Variants in SYTL5 observed in about 807,000 individuals in gnomAD.
SYTL5 encodes the protein synaptotagmin-like protein 5.
A neutral mutation model predicts 55.9 loss-of-function variants in SYTL5; 34 were observed. That is an observed-to-expected ratio of 0.61 (90% confidence interval 0.46 to 0.81). The LOEUF (loss-of-function observed/expected upper bound fraction) is 0.81. Ranked by LOEUF, SYTL5 falls within the 30% of genes least tolerant of loss-of-function variation. The pLI, the probability that SYTL5 is intolerant of heterozygous loss-of-function variation, is 0.00. For synonymous variants in SYTL5, 221 were observed against 188.7 expected (o/e 1.17, Z -1.40); for missense variants, 637 against 546.7 (o/e 1.17, Z -1.65).
intron 6 of SYTL5, among the ~76,000 whole-genome samples, chrX:38,077,989 T>C (rs1348413537): frequency 9.0e-6 from 1 of 111,478 alleles, no homozygotes; most frequent in East Asian, 2.8e-4. Flanking sequence ...GCTATGATCA[T>C]GCCACTGCAC....
At chrX:37,965,229 T>C in the SYTL5 span, among the ~76,000 whole-genome samples, 1 of 111,681 alleles carries the variant, frequency 9.0e-6, no homozygotes, top group African/African-American at 3.2e-5. Flanking sequence ...AGTACTGCTT[T>C]TGCTGGACCC....
In SYTL5 at chrX:38,054,245, G is replaced by A. The variant is rs199690787; in HGVS notation, c.152G>A (p.Arg51His). 15 of 1,208,493 alleles carry A rather than the reference G, an allele frequency of 1.2e-5. No individual in the cohort carries two copies. The Middle Eastern group carries it at 6.9e-4, about 55-fold the overall frequency. ...AAAAATGAACTCTTAGAAGCAAAAC[G>A]TAGAAGTGGGAAAACTCAACAAGAG... ...KLKNELLEAK[R>H]RSGKTQQEAS... is the part of the protein sequence containing the mutation. The change falls in exon 3 of 17, where the codon CGT (arginine) becomes CAT (histidine). Residue 51 changes from arginine (R) to histidine (H), a missense_variant. Physicochemically the swap from Arg to His is conservative, Grantham distance 29. Coordinates refer to ENST00000297875, the MANE Select transcript of SYTL5 (RefSeq NM_138780.3).
chrX:38,026,436 C>T (rs897169966), intron 1 of SYTL5, among the ~76,000 whole-genome samples: 1 of 111,499 alleles, frequency 9.0e-6, no homozygotes, highest in African/African-American at 3.3e-5. Flanking sequence ...ATCCAGATCC[C>T]AAGAGTGGGT....
the SYTL5 span, among the ~76,000 whole-genome samples, chrX:37,892,487 CAT>C: frequency 0.015 from 1,507 of 98,766 alleles, 29 homozygotes; most frequent in African/African-American, 0.052. Flanking sequence ...TGTGTATATA[CAT>C]ATATATGTAT....
upstream of SYTL5, among the ~76,000 whole-genome samples, chrX:38,004,676 A>G (rs368561939): frequency 1.9e-4 from 21 of 111,058 alleles, no homozygotes; most frequent in East Asian, 1.4e-3. Flanking sequence ...CCAGACACAG[A>G]AAAAAAATTT....
At chrX:37,899,001 A>C in the SYTL5 span, among the ~76,000 whole-genome samples, 1 of 111,852 alleles carries the variant, frequency 8.9e-6, no homozygotes, top group Admixed American at 9.5e-5. Flanking sequence ...ATTGAAAAGT[A>C]CTAAGTATCC....
At chrX:38,103,336 C>T (rs1397910462) in intron 10 of SYTL5, among the ~76,000 whole-genome samples, 2 of 111,939 alleles carry the variant, frequency 1.8e-5, no homozygotes, top group Middle Eastern at 4.6e-3. Flanking sequence ...ATCAACAAAA[C>T]CTTTGAAGTA....
intron 8 of SYTL5, among the ~76,000 whole-genome samples, chrX:38,095,461 G>T (rs1424725786): frequency 9.0e-6 from 1 of 111,592 alleles, no homozygotes; most frequent in Non-Finnish European, 1.9e-5. Flanking sequence ...TAGTGCTTTG[G>T]TATAGAACTA....
the SYTL5 span, among the ~76,000 whole-genome samples, chrX:37,959,127 C>A: frequency 9.0e-6 from 1 of 111,729 alleles, no homozygotes; most frequent in Non-Finnish European, 1.9e-5. Flanking sequence ...CCCTGCAGCT[C>A]CACTAGGCAT....
the SYTL5 span, among the ~76,000 whole-genome samples, chrX:37,890,764 CAT>C: frequency 1.8e-5 from 2 of 112,341 alleles, no homozygotes; most frequent in Non-Finnish European, 3.8e-5. Flanking sequence ...CTGAAAAAGA[CAT>C]ATAAATGGCC....
the SYTL5 span, among the ~76,000 whole-genome samples, chrX:37,958,151 G>A: frequency 9.1e-6 from 1 of 109,546 alleles, no homozygotes; most frequent in Admixed American, 9.7e-5. Flanking sequence ...GAAGGTTACA[G>A]TGAGCTGAGA....
intron 1 of SYTL5, among the ~76,000 whole-genome samples, chrX:38,011,992 C>T (rs927361339): frequency 9.0e-6 from 1 of 111,464 alleles, no homozygotes. Flanking sequence ...TTACCTTCAC[C>T]GAACACTTAA....
At chrX:38,057,725 G>A (rs1602351843) in intron 3 of SYTL5, among the ~76,000 whole-genome samples, 1 of 111,367 alleles carries the variant, frequency 9.0e-6, no homozygotes, top group East Asian at 2.8e-4. Flanking sequence ...AGTCCTTTCT[G>A]TCATCAGCAA....
chrX:38,072,279 C>T, intron 4 of SYTL5, 117 bp downstream of exon 4: 1 of 477,633 alleles, frequency 2.1e-6, no homozygotes, highest in Non-Finnish European at 3.5e-6. Context: ...TCCCTTAGGG[C>T]ATTTCACAAC....
intron 2 of SYTL5, among the ~76,000 whole-genome samples, chrX:38,043,211 CTTAAACA>C (rs1935336637): frequency 9.0e-6 from 1 of 111,040 alleles, no homozygotes; most frequent in African/African-American, 3.3e-5. Context: ...CCTCAATCCA[CTTAAACA>C]TTTAATATCT....
chrX:38,039,887 T>C (rs1224282004), intron 2 of SYTL5, among the ~76,000 whole-genome samples: 2 of 112,019 alleles, frequency 1.8e-5, no homozygotes, highest in East Asian at 5.6e-4. Flanking sequence ...TTTTAAAAAA[T>C]GTTTTAGGCC....
intron 6 of SYTL5, among the ~76,000 whole-genome samples, chrX:38,077,092 A>G (rs935827501): frequency 1.5e-3 from 171 of 112,041 alleles, no homozygotes; most frequent in African/African-American, 5.3e-3. Context: ...ATAATTTTAA[A>G]TTTGAATTTC....
chrX:37,898,361 CA>C, the SYTL5 span, among the ~76,000 whole-genome samples: 1 of 111,724 alleles, frequency 9.0e-6, no homozygotes. Context: ...TGCCTGAACT[CA>C]GGGGGCCATA....
the SYTL5 span, among the ~76,000 whole-genome samples, chrX:37,921,991 G>A: frequency 8.9e-6 from 1 of 111,973 alleles, no homozygotes; most frequent in Non-Finnish European, 1.9e-5. Context: ...ACCGTTGCTT[G>A]TTTCCTGATG....
Sources: allele counts gnomAD v4.1 joint callset (sites outside exome capture counted in the v4.1 genomes callset), GRCh38; gene constraint gnomAD v4.1.1; transcripts MANE v1.5; gene names NCBI Gene and HGNC (gene_info 2026-07-23, HGNC 2026-07-21).